The following SH2D6 variants were observed in gnomAD, a reference collection of about 807,000 sequenced individuals.
The protein encoded by SH2D6 is SH2 domain-containing protein 6.
A neutral mutation model predicts 30.2 loss-of-function variants in SH2D6; 31 were observed. That is an observed-to-expected ratio of 1.03 (90% confidence interval 0.77 to 1.38). The LOEUF is 1.38. Ranked by LOEUF, SH2D6 falls within the 40% of genes most tolerant of loss-of-function variation. The pLI is 0.00. For missense variants in SH2D6, 240 were observed against 266.8 expected, an observed-to-expected ratio of 0.90 and a Z score of 0.70; for synonymous variants, 93 against 104.6, an observed-to-expected ratio of 0.89 and a Z score of 0.68.
At chr2:85,424,493 T>C (rs934368722) in intron 5 of SH2D6, among the ~76,000 whole-genome samples, 11 of 152,232 alleles carry the variant, frequency 7.2e-5, no homozygotes, top group Non-Finnish European at 1.6e-4. Context: ...GTCTCACCTG[T>C]AATCCCAACA....
At chr2:85,424,915 A>G (rs1687922734) in intron 5 of SH2D6, among the ~76,000 whole-genome samples, 1 of 151,968 alleles carries the variant, frequency 6.6e-6, no homozygotes, top group African/African-American at 2.4e-5. Context: ...AAAATACAAA[A>G]ATTAGCCAGG....
At chr2:85,429,647 C>G (rs1052871380) in intron 9 of SH2D6, 35 bp downstream of exon 9, 1 of 152,772 alleles carries the variant, frequency 6.5e-6, no homozygotes, top group Non-Finnish European at 1.5e-5. Flanking sequence ...CCTGCCCTCC[C>G]CTCTTGTCTC....
At chr2:85,431,816 AGTG>A (rs1423669083) in intron 13 of SH2D6, 80 bp from the exon 14 acceptor site, 1 of 152,610 alleles carries the variant, frequency 6.6e-6, no homozygotes, top group Non-Finnish European at 1.5e-5. Flanking sequence ...CACAGATACA[AGTG>A]GTCCCATCCC....
chr2:85,425,722 C>T lies in SH2D6; in HGVS notation c.-209+315C>T, dbSNP rs1198073841. ...TCCCAAAGGTCACAGCCAAGCCAGC[C>T]TGGCAGAGCCACCCTGGACACTGAT... On this transcript the variant is annotated intron_variant, in intron 6 of 23. Transcript: ENST00000469800. Among the ~76,000 whole-genome samples the T allele has an allele frequency of 2.0e-5, 3 of 152,220 alleles. No individual in the cohort carries two copies. The East Asian group carries it at 5.8e-4, about 29-fold the overall frequency.
chr2:85,419,745 T>G (rs1187419211), intron 2 of SH2D6, among the ~76,000 whole-genome samples: 10 of 152,106 alleles, frequency 6.6e-5, no homozygotes, highest in Non-Finnish European at 1.2e-4. Context: ...TGTAAGTCAG[T>G]GAGATTTCAT....
intron 6 of SH2D6, among the ~76,000 whole-genome samples, chr2:85,426,047 C>G (rs752190806): frequency 2.6e-5 from 4 of 152,104 alleles, no homozygotes; most frequent in Non-Finnish European, 5.9e-5. Context: ...GGCAGATGTC[C>G]CCTTCTGTTC....
chr2:85,426,695 A>C (rs1418470777), intron 6 of SH2D6, among the ~76,000 whole-genome samples: 1 of 152,172 alleles, frequency 6.6e-6, no homozygotes, highest in East Asian at 1.9e-4. Flanking sequence ...ATCCTTTGCA[A>C]TATCCTTCAT....
rs1287223501 is a variant in SH2D6, at chr2:85,433,106, T to C, written c.378T>C (p.Gly126=). ...QGPIFGRREQ[G]ASSRVVPGPP... is the part of the protein sequence containing the mutation. The stretch of plus-strand genomic sequence containing the variant: ...CTCTCCTTTTCCTTTCAGAGCAGGG[T>C]GCATCGTCCAGAGTGGTGAGCAGCC... Residue 126 remains glycine (G), a synonymous_variant, in exon 15 of 24, where the codon GGT becomes GGC. Coordinates refer to ENST00000469800, the MANE Select transcript of SH2D6 (RefSeq NM_001394463.1). 4 of 985,798 alleles carry C rather than the reference T, an allele frequency of 4.1e-6. No individual in the cohort carries two copies. Among genetic ancestry groups the C allele is most frequent in the African/African-American group, 1.7e-5 (1 of 57,220 alleles). The allele number at this position is 985,798 out of a possible 1,614,324, so 61.1% of individuals were successfully genotyped here.
chr2:85,420,671 T>G (rs1687716350), intron 2 of SH2D6, among the ~76,000 whole-genome samples: 2 of 152,384 alleles, frequency 1.3e-5, no homozygotes, highest in African/African-American at 2.4e-5. Flanking sequence ...GCAAAACTTG[T>G]CCTAACTTCC....
Position 85,435,689 on chromosome 2 carries a change from C to G in SH2D6, c.756C>G (p.Pro252=). The change falls in exon 22 of 24, where the codon CCC becomes CCG. Residue 252 remains proline, a synonymous_variant. Coordinates refer to ENST00000469800, the MANE Select transcript of SH2D6 (RefSeq NM_001394463.1). ...LQKDGAYTVR[P]SSGPHGSQPF... ...AGGATGGGGCCTATACCGTGCGCCC[C>G]AGCTCAGGGCCTCATGGCTCCCAGC... 4 of 1,611,596 alleles carry G rather than the reference C, an allele frequency of 2.5e-6. No homozygotes were observed. The highest frequency in any genetic ancestry group is 3.4e-6 in the Non-Finnish European group (4 of 1,178,922).
chr2:85,420,355 G>A (rs1029668880), intron 2 of SH2D6, among the ~76,000 whole-genome samples: 1 of 152,196 alleles, frequency 6.6e-6, no homozygotes, highest in Non-Finnish European at 1.5e-5. Flanking sequence ...CCTGACCTCA[G>A]GTGATCAGCC....
At position 85,431,191 on chromosome 2, in the gene SH2D6, C is replaced by T. The variant is rs1013205877; in HGVS notation, c.251-19C>T. 2 of 152,712 alleles carry T rather than the reference C, an allele frequency of 1.3e-5. No individual in the cohort carries two copies. Among genetic ancestry groups the T allele is most frequent in the African/African-American group, 4.8e-5 (2 of 41,444 alleles). 9.5% of individuals were successfully genotyped at this position (152,712 alleles called of 1,614,324 possible). On this transcript the variant is annotated intron_variant, in intron 12 of 23. Transcript: ENST00000469800. ...CTGGGAGGAACCCACCAACTCACAA[C>T]AAATGCGATCTTTTCCAGATCACTC...
chr2:85,423,882 CA>C (rs1477669395), intron 5 of SH2D6, among the ~76,000 whole-genome samples: 3 of 152,260 alleles, frequency 2.0e-5, no homozygotes, highest in African/African-American at 7.2e-5. Flanking sequence ...AACTTGAACC[CA>C]ACCACAGAGT....
chr2:85,432,486 G>GC (rs1315093925), intron 14 of SH2D6, among the ~76,000 whole-genome samples: 1 of 151,404 alleles, frequency 6.6e-6, no homozygotes, highest in African/African-American at 2.4e-5. Context: ...TGCAGGCTCC[G>GC]CCCCCTGGGG....
chr2:85,429,533 G>A (rs919462313), intron 8 of SH2D6, 54 bp from the exon 9 acceptor site: 2 of 152,666 alleles, frequency 1.3e-5, no homozygotes, highest in African/African-American at 4.8e-5. Flanking sequence ...CCCAGGACTC[G>A]GCCACGGGGG....
In SH2D6 at chr2:85,435,444, C is replaced by CG. The variant is rs1689326956; in HGVS notation, c.684dup (p.Asn229GlufsTer3). On this transcript the variant is annotated frameshift_variant, in exon 21 of 24. Coordinates refer to ENST00000469800, the MANE Select transcript of SH2D6 (RefSeq NM_001394463.1). LOFTEE classifies it high-confidence loss of function. ...GATCTGCTGACTCAGCCTTGGTACT[C>CG]GGGGAACTGTGACCGCTATGCTGTT... The CG allele has an allele frequency of 6.2e-7, 1 of 1,613,868 alleles. No homozygotes were observed. Among genetic ancestry groups the CG allele is most frequent in the Non-Finnish European group, 8.5e-7 (1 of 1,179,992 alleles).
chr2:85,435,176 G>T, intron 20 of SH2D6, 53 bp downstream of exon 20: 2 of 1,566,168 alleles, frequency 1.3e-6, no homozygotes, highest in Non-Finnish European at 8.7e-7. Context: ...AGCAGAGCCT[G>T]AGAGTCCTTA....
At chr2:85,426,232 C>T (rs73943204) in intron 6 of SH2D6, among the ~76,000 whole-genome samples, 3 of 152,306 alleles carry the variant, frequency 2.0e-5, no homozygotes, top group African/African-American at 7.2e-5. Context: ...GTCCCGGCTA[C>T]ACTTCGCCAT....
chr2:85,424,619 G>A (rs776515371), intron 5 of SH2D6, among the ~76,000 whole-genome samples: 3 of 152,106 alleles, frequency 2.0e-5, no homozygotes, highest in Non-Finnish European at 4.4e-5. Context: ...GGGCCTGGTG[G>A]TGTGAGCATA....
Sources: gnomAD v4.1 joint callset for allele counts (sites outside exome capture counted in the v4.1 genomes callset) on GRCh38, gnomAD v4.1.1 for gene constraint, MANE v1.5 for transcripts, NCBI Gene and HGNC (gene_info 2026-07-23, HGNC 2026-07-21) for gene names.